Variants in ST8SIA6 observed in about 807,000 individuals in gnomAD.
ST8SIA6 encodes the protein alpha-2,8-sialyltransferase 8F.
ST8SIA6 carries 39 observed loss-of-function variants against 33.6 expected under a neutral mutation model. That is an observed-to-expected ratio of 1.16 (90% CI 0.90 to 1.52). The LOEUF is 1.52. Among genes scored for constraint, ST8SIA6 ranks in the 40% most tolerant of loss-of-function variants. The probability of loss-of-function intolerance (pLI) is 0.00; values close to 1 mark genes in which losing one functional copy is unlikely to be tolerated. For synonymous variants in ST8SIA6, 172 were observed against 167.2 expected, an observed-to-expected ratio of 1.03 and a Z score of -0.22; for missense variants, 441 against 443.8, an observed-to-expected ratio of 0.99 and a Z score of 0.06.
At position 17,320,760 on chromosome 10, in the gene ST8SIA6, A is replaced by C. The variant is rs1182383011; in HGVS notation, c.*118T>G. The C allele has an allele frequency of 9.2e-7, 1 of 1,091,620 alleles. No individual in the cohort carries two copies. The highest frequency in any genetic ancestry group is 1.3e-6 in the Non-Finnish European group (1 of 763,526). The allele number at this position is 1,091,620 out of a possible 1,614,324, so 67.6% of individuals were successfully genotyped here. A position where few individuals can be genotyped will look rare whatever the true frequency, so the allele number is the denominator to read the frequency against. ...CAAAATGAGTGGGGAAGCTTTGGTC[A>C]AACCAAATTTTGGGGCTCATCTCAA... On this transcript the variant is annotated 3_prime_UTR_variant, in exon 8 of 8. Transcript: ENST00000377602.
rs982921464 is a variant in ST8SIA6, at chr10:17,315,860, A to G, written c.*5018T>C. ...CGGTTTCATGGGTATATGCATGTAC[A>G]TAAATATGTGCCATTTATTACATGT... On this transcript the variant is annotated 3_prime_UTR_variant, in exon 8 of 8. Coordinates refer to ENST00000377602, the MANE Select transcript of ST8SIA6 (RefSeq NM_001004470.3). 3.3e-5 allele frequency among the ~76,000 whole-genome samples: 5 copies of G among 152,024 alleles called. No homozygotes were observed. The highest frequency in any genetic ancestry group is 1.2e-4 in the African/African-American group (5 of 41,444).
chr10:17,431,300 G>A (rs2131721643), intron 2 of ST8SIA6, among the ~76,000 whole-genome samples: 1 of 152,190 alleles, frequency 6.6e-6, no homozygotes, highest in Non-Finnish European at 1.5e-5. Flanking sequence ...AGTCAGGGCA[G>A]GTCTTTTGAA....
intron 3 of ST8SIA6, among the ~76,000 whole-genome samples, chr10:17,371,799 A>G (rs1695818443): frequency 6.9e-6 from 1 of 145,890 alleles, no homozygotes; most frequent in Admixed American, 6.8e-5. Context: ...AAAAAAAAAA[A>G]AAAAGAAAGA....
At chr10:17,380,181 C>T (rs958413946) in intron 3 of ST8SIA6, among the ~76,000 whole-genome samples, 13 of 152,170 alleles carry the variant, frequency 8.5e-5, no homozygotes, top group Admixed American at 4.6e-4. Flanking sequence ...ACCTTGAGCT[C>T]ACTTCCAACA....
At chr10:17,381,186 C>T (rs1486180332) in intron 3 of ST8SIA6, among the ~76,000 whole-genome samples, 1 of 152,058 alleles carries the variant, frequency 6.6e-6, no homozygotes, top group Admixed American at 6.5e-5. Context: ...CCCTCTAGTA[C>T]CACCAGACTT....
chr10:17,347,889 G>A (rs540431609), intron 4 of ST8SIA6, among the ~76,000 whole-genome samples: 125 of 150,140 alleles, frequency 8.3e-4, no homozygotes, highest in Admixed American at 3.5e-3. Flanking sequence ...CCGGGAGATG[G>A]GGGTTGCAGT....
intron 3 of ST8SIA6, among the ~76,000 whole-genome samples, chr10:17,371,813 T>TAAAAAAAA (rs1849745422): frequency 5.1e-5 from 6 of 116,906 alleles, no homozygotes; most frequent in Non-Finnish European, 7.2e-5. Flanking sequence ...AGAAAGAAAG[T>TAAAAAAAA]AAAAAATGAG....
At chr10:17,374,741 A>AT (rs1849845890) in intron 3 of ST8SIA6, among the ~76,000 whole-genome samples, 2 of 88,512 alleles carry the variant, frequency 2.3e-5, no homozygotes, top group African/African-American at 7.6e-5. Flanking sequence ...TAAATAAATA[A>AT]ATAAATAATA....
chr10:17,343,571 T>C (rs1848741192), intron 4 of ST8SIA6, among the ~76,000 whole-genome samples: 1 of 151,822 alleles, frequency 6.6e-6, no homozygotes, highest in Non-Finnish European at 1.5e-5. Context: ...CAGGTGAACA[T>C]TGCACAAAAC....
At chr10:17,375,565 A>G (rs17140900) in intron 3 of ST8SIA6, among the ~76,000 whole-genome samples, 27,501 of 152,228 alleles carry the variant, frequency 0.18, 2,633 homozygotes, top group South Asian at 0.22. Context: ...AATTGTTCTC[A>G]GTGATTTTAA....
intron 4 of ST8SIA6, among the ~76,000 whole-genome samples, chr10:17,340,692 G>T (rs79850396): frequency 6.6e-6 from 1 of 152,150 alleles, no homozygotes; most frequent in African/African-American, 2.4e-5. Flanking sequence ...TTTATTTCCA[G>T]CAAAACCATG....
At chr10:17,447,194 G>A (rs1250977953) in intron 2 of ST8SIA6, among the ~76,000 whole-genome samples, 1 of 151,912 alleles carries the variant, frequency 6.6e-6, no homozygotes, top group Non-Finnish European at 1.5e-5. Context: ...TTGGAGACCA[G>A]CTTGGCCAAC....
At chr10:17,444,614 C>G (rs761502472) in intron 2 of ST8SIA6, among the ~76,000 whole-genome samples, 23 of 152,182 alleles carry the variant, frequency 1.5e-4, no homozygotes, top group Non-Finnish European at 2.8e-4. Flanking sequence ...GACTGCAGCC[C>G]ATACTCTGTA....
chr10:17,419,301 G>A lies in ST8SIA6; in HGVS notation c.201-28681C>T, dbSNP rs866620535. ...AATCCCAGCACTTTGGGAGGCCAAG[G>A]CAGGAAGATTGCTTGAGCTCAGGAG... is the stretch of plus-strand genomic sequence containing the variant. On this transcript the variant is annotated intron_variant, in intron 2 of 7. Transcript: ENST00000377602. Among the ~76,000 whole-genome samples, 48 of 152,240 alleles carry A rather than the reference G, an allele frequency of 3.2e-4. 1 individual carries two copies. The Middle Eastern group carries it at 0.02, about 65-fold the overall frequency.
intron 2 of ST8SIA6, among the ~76,000 whole-genome samples, chr10:17,395,077 G>C (rs905211728): frequency 2.0e-5 from 3 of 152,056 alleles, no homozygotes; most frequent in African/African-American, 7.2e-5. Context: ...TGAATCACGG[G>C]GGGCAGTTTC....
chr10:17,399,876 C>T (rs1850972649), intron 2 of ST8SIA6, among the ~76,000 whole-genome samples: 1 of 149,942 alleles, frequency 6.7e-6, no homozygotes, highest in Non-Finnish European at 1.5e-5. Context: ...TTTGATTGCA[C>T]CACTGCACTC....
chr10:17,437,964 C>G (rs116304152), intron 2 of ST8SIA6, among the ~76,000 whole-genome samples: 5,107 of 151,848 alleles, frequency 0.034, 199 homozygotes, highest in Admixed American at 0.076. Context: ...CTCCTGACTT[C>G]GTGATTCATC....
intron 2 of ST8SIA6, among the ~76,000 whole-genome samples, chr10:17,417,374 T>A (rs972199079): frequency 6.6e-6 from 1 of 152,106 alleles, no homozygotes; most frequent in Non-Finnish European, 1.5e-5. Flanking sequence ...ATCCATTCTT[T>A]CTGCTTCTCA....
chr10:17,378,787 G>A (rs1350569036), intron 3 of ST8SIA6, among the ~76,000 whole-genome samples: 1 of 152,106 alleles, frequency 6.6e-6, no homozygotes, highest in East Asian at 1.9e-4. Context: ...AGTCCTGGCA[G>A]GAATGATGGC....
Sources: allele counts gnomAD v4.1 joint callset (sites outside exome capture counted in the v4.1 genomes callset), GRCh38; gene constraint gnomAD v4.1.1; transcripts MANE v1.5; gene names NCBI Gene and HGNC (gene_info 2026-07-23, HGNC 2026-07-21).